Variants in PRDM11 observed in about 807,000 individuals in gnomAD.
PRDM11 encodes the protein PR domain-containing protein 11.
In PRDM11, 20 loss-of-function variants were observed where a neutral mutation model predicts 97.8. The observed-to-expected ratio is 0.20, with a 90% CI of 0.14 to 0.30. The LOEUF is 0.30. PRDM11 is among the 10% of genes least tolerant of loss of function. PRDM11 has a pLI of 1.00. For synonymous variants in PRDM11, 599 were observed against 637.7 expected, an observed-to-expected ratio of 0.94 and a Z score of 0.91; for missense variants, 1,139 against 1,555.2, an observed-to-expected ratio of 0.73 and a Z score of 4.50.
chr11:45,194,850 G>A (rs1469766554), intron 4 of PRDM11, among the ~76,000 whole-genome samples: 2 of 151,718 alleles, frequency 1.3e-5, no homozygotes, highest in Non-Finnish European at 2.9e-5. Context: ...CGCCCGCCTC[G>A]GCCTCCCAAA....
intron 1 of PRDM11, among the ~76,000 whole-genome samples, chr11:45,128,969 T>C (rs11038317): frequency 0.43 from 66,008 of 151,984 alleles, 17,301 homozygotes; most frequent in Non-Finnish European, 0.58. Flanking sequence ...AAATTATATA[T>C]CATGACCACA....
intron 4 of PRDM11, among the ~76,000 whole-genome samples, chr11:45,202,193 A>G (rs1853353586): frequency 6.6e-6 from 1 of 152,148 alleles, no homozygotes; most frequent in South Asian, 2.1e-4. Flanking sequence ...ACCATGTGCC[A>G]TGCCCTCCCT....
chr11:45,149,790 C>T lies in PRDM11; in HGVS notation c.-7+2913C>T, dbSNP rs143329069. Among the ~76,000 whole-genome samples the T allele has an allele frequency of 3.9e-3, 601 of 152,348 alleles. 5 individuals are homozygous for T. Among genetic ancestry groups the T allele is most frequent in the African/African-American group, 0.014 (581 of 41,580 alleles). Reference sequence around the variant, plus strand: ...TTGGTGACCCATGATGGACATGCAACATGAGTGAAAACTAAACCTTTGCTG... The same window carrying T: ...TTGGTGACCCATGATGGACATGCAATATGAGTGAAAACTAAACCTTTGCTG... On this transcript the variant is annotated intron_variant, in intron 1 of 7. Transcript: ENST00000683152.
intron 1 of PRDM11, among the ~76,000 whole-genome samples, chr11:45,127,263 T>G (rs761195102): frequency 6.6e-6 from 1 of 152,218 alleles, no homozygotes; most frequent in Non-Finnish European, 1.5e-5. Context: ...GTTTTTAACT[T>G]CTTTGCCATT....
At chr11:45,177,275 A>C (rs1258792224) in intron 1 of PRDM11, among the ~76,000 whole-genome samples, 1 of 152,240 alleles carries the variant, frequency 6.6e-6, no homozygotes, top group African/African-American at 2.4e-5. Context: ...CAACAAGCCT[A>C]ATCTCTGCAT....
chr11:45,113,209 G>T (rs570964723), intron 1 of PRDM11, among the ~76,000 whole-genome samples: 1 of 152,050 alleles, frequency 6.6e-6, no homozygotes, highest in Non-Finnish European at 1.5e-5. Context: ...TGAATACAGC[G>T]TCTTGTCCCC....
intron 4 of PRDM11, among the ~76,000 whole-genome samples, chr11:45,192,601 C>A (rs1198636027): frequency 6.6e-6 from 1 of 152,158 alleles, no homozygotes; most frequent in African/African-American, 2.4e-5. Context: ...CCAGTACAGA[C>A]CAGCTCCTAA....
chr11:45,176,554 G>A (rs1224600407), intron 1 of PRDM11, among the ~76,000 whole-genome samples: 1 of 152,196 alleles, frequency 6.6e-6, no homozygotes, highest in Admixed American at 6.5e-5. Flanking sequence ...GGGAAACCAG[G>A]TAGGCGTGGT....
intron 5 of PRDM11, among the ~76,000 whole-genome samples, chr11:45,210,119 G>T (rs937803481): frequency 8.5e-5 from 13 of 152,300 alleles, no homozygotes; most frequent in Admixed American, 7.2e-4. Flanking sequence ...CCGGGCCATG[G>T]AAAGATCAGT....
intron 5 of PRDM11, among the ~76,000 whole-genome samples, chr11:45,210,086 C>A (rs1304010202): frequency 6.6e-6 from 1 of 152,144 alleles, no homozygotes; most frequent in African/African-American, 2.4e-5. Context: ...GGAGACGAGG[C>A]GGCCAAGCTG....
intron 5 of PRDM11, chr11:45,213,162 C>CT (rs2135823138): frequency 2.2e-6 from 1 of 456,716 alleles, no homozygotes; most frequent in South Asian, 1.5e-5. Flanking sequence ...ACTGGGGGCG[C>CT]TGTTACCTCC....
At chr11:45,225,135 T>C in intron 7 of PRDM11, 2 of 1,401,042 alleles carry the variant, frequency 1.4e-6, no homozygotes, top group South Asian at 1.7e-5. Flanking sequence ...TCTCTGGTAC[T>C]GGTGTCTTAC....
intron 1 of PRDM11, among the ~76,000 whole-genome samples, chr11:45,180,337 TGTCC>T (rs1435666635): frequency 6.6e-6 from 1 of 151,792 alleles, no homozygotes; most frequent in Non-Finnish European, 1.5e-5. Flanking sequence ...AGCGAGCGGG[TGTCC>T]GGTGTCCGCA....
chr11:45,095,335 C>G (rs1432968820), upstream of PRDM11, among the ~76,000 whole-genome samples: 1 of 152,174 alleles, frequency 6.6e-6, no homozygotes, highest in Non-Finnish European at 1.5e-5. Context: ...TCCTCCAGCC[C>G]TCAGCTCCCT....
chr11:45,146,014 C>G (rs554070006), upstream of PRDM11, among the ~76,000 whole-genome samples: 1 of 152,212 alleles, frequency 6.6e-6, no homozygotes, highest in Non-Finnish European at 1.5e-5. Flanking sequence ...CTCAGAATCT[C>G]TCTCCCTCTG....
At chr11:45,136,089 C>G (rs566638018) in intron 1 of PRDM11, among the ~76,000 whole-genome samples, 2 of 152,204 alleles carry the variant, frequency 1.3e-5, no homozygotes, top group African/African-American at 4.8e-5. Flanking sequence ...TGTATTGTAC[C>G]AATGGAATGT....
chr11:45,224,826 A>G lies in PRDM11; in HGVS notation c.1352A>G (p.Glu451Gly). Residue 451 changes from glutamate (E) to glycine (G), a missense_variant, in exon 7 of 8, where the codon GAG (glutamate) becomes GGG (glycine). This residue lies in a region of PRDM11 where 710 missense variants were observed against 1,044.9 expected (regional missense o/e 0.68). Transcript: ENST00000683152. ...CCACCACAGGTACTGGAGCTCCCAG[A>G]GTTCTCGGACCCTGCAGGTAAGTTG... ...VLPPQVLELP[E>G]FSDPAASESM... 1 of 1,614,048 alleles carries G rather than the reference A, an allele frequency of 6.2e-7. No homozygotes were observed. Among genetic ancestry groups the G allele is most frequent in the Non-Finnish European group, 8.5e-7 (1 of 1,180,026 alleles).
At chr11:45,114,506 C>A (rs1852259472) in intron 1 of PRDM11, among the ~76,000 whole-genome samples, 1 of 151,980 alleles carries the variant, frequency 6.6e-6, no homozygotes, top group Non-Finnish European at 1.5e-5. Context: ...AAAATTGATA[C>A]CAGAGCAGAA....
Position 45,219,452 on chromosome 11 carries a change from TG to T in PRDM11, c.555-115del. On this transcript the variant is annotated intron_variant, in intron 5 of 7. Transcript: ENST00000683152. The surrounding 1 kb of genome is among the most constrained non-coding windows in gnomAD (Gnocchi z 4.2). ...GGCAGCTGCTCTGCTGATGTTCACA[TG>T]GGCCCACGTGCCTGTGGACTTCTAA... is the stretch of plus-strand genomic sequence containing the variant. 1.0e-6 allele frequency: 1 copy of T among 991,452 alleles called. No homozygotes were observed. The highest frequency in any genetic ancestry group is 1.5e-6 in the Non-Finnish European group (1 of 676,912). The allele number at this position is 991,452 out of a possible 1,614,324, so 61.4% of individuals were successfully genotyped here. A position where few individuals can be genotyped will look rare whatever the true frequency, so the allele number is the denominator to read the frequency against.
Sources: gnomAD v4.1 joint callset for allele counts (sites outside exome capture counted in the v4.1 genomes callset) on GRCh38, gnomAD v4.1.1 for gene constraint, gnomAD v4.1.1 regional missense constraint, Gnocchi (gnomAD v3.1) non-coding constraint, MANE v1.5 for transcripts, NCBI Gene and HGNC (gene_info 2026-07-23, HGNC 2026-07-21) for gene names.